OR2L5: variants seen among roughly 807,000 people sequenced by gnomAD.
The protein encoded by OR2L5 is olfactory receptor 2L5.
For missense variants in OR2L5, 413 were observed against 381.6 expected (o/e 1.08, Z -0.69); for synonymous variants, 169 against 142.0 (o/e 1.19, Z -1.35).
At chr1:248,021,622 G>A (rs1486717877) in intron 1 of OR2L5, among the ~76,000 whole-genome samples, 3 of 151,992 alleles carry the variant, frequency 2.0e-5, no homozygotes, top group Admixed American at 6.6e-5. Flanking sequence ...GTCATCACAA[G>A]AAAAATGAGT....
Position 248,023,463 on chromosome 1 carries a change from T to C in OR2L5, c.*577T>C, listed in dbSNP as rs553782124. 2.0e-5 allele frequency: 3 copies of C among 152,382 alleles called. No individual in the cohort carries two copies. The highest frequency in any genetic ancestry group is 7.2e-5 in the African/African-American group (3 of 41,574). 9.4% of individuals were successfully genotyped at this position (152,382 alleles called of 1,614,324 possible). ...TTACCTTCTATAGAACCTCTTAGAC[T>C]ACAGTTGACTTAGACTTAGTTGAAT... is the stretch of plus-strand genomic sequence containing the variant. On this transcript the variant is annotated 3_prime_UTR_variant, in exon 2 of 2. Coordinates refer to ENST00000355281, the MANE Select transcript of OR2L5 (RefSeq NM_001258284.2).
chr1:248,021,882 A>G, intron 1 of OR2L5, 45 bp from the exon 2 acceptor site: 3 of 1,294,530 alleles, frequency 2.3e-6, no homozygotes, highest in East Asian at 2.3e-5. Flanking sequence ...CCCTGCAGAT[A>G]ATGGGGAACT....
intron 1 of OR2L5, among the ~76,000 whole-genome samples, chr1:248,019,812 G>T (rs1171216943): frequency 6.6e-6 from 1 of 151,168 alleles, no homozygotes; most frequent in East Asian, 2.0e-4. Context: ...TTTGAGACAC[G>T]GTCTCACTCT....
In OR2L5 at chr1:248,014,384, T is replaced by A. The variant is rs12032421; in HGVS notation, c.-22+646T>A. 4.8e-3 allele frequency among the ~76,000 whole-genome samples: 726 copies of A among 152,246 alleles called. 21 individuals carry two copies. In the East Asian group the frequency reaches 0.079, roughly 17 times the overall value. On this transcript the variant is annotated intron_variant, in intron 1 of 1. Transcript: ENST00000355281. The stretch of plus-strand genomic sequence containing the variant: ...TAAATAATTAAGGAAACCATATGAT[T>A]AGTAGCTATGCTATGGGTATCCAAA...
Position 248,022,445 on chromosome 1 carries a change from A to T in OR2L5, c.498A>T (p.Pro166=). The T allele has an allele frequency of 6.2e-7, 1 of 1,614,190 alleles. No homozygotes were observed. The highest frequency in any genetic ancestry group is 1.1e-5 in the South Asian group (1 of 91,082). Residue 166 remains proline, a synonymous_variant, in exon 2 of 2, where the codon CCA becomes CCT. Transcript: ENST00000355281. The stretch of plus-strand genomic sequence containing the variant: ...ACACAGTATATGCATTCCGTATCCC[A>T]TATTGCAAGTCCAGAGCCATCAATC... ...CAHTVYAFRI[P]YCKSRAINHF... is the part of the protein sequence containing the mutation.
intron 1 of OR2L5, among the ~76,000 whole-genome samples, chr1:248,016,414 A>C (rs866914905): frequency 1.3e-5 from 2 of 152,134 alleles, no homozygotes; most frequent in African/African-American, 2.4e-5. Context: ...TTTCTTTGAA[A>C]ATATGTATGA....
At chr1:248,021,521 A>T (rs1190503623) in intron 1 of OR2L5, among the ~76,000 whole-genome samples, 1 of 152,200 alleles carries the variant, frequency 6.6e-6, no homozygotes, top group Non-Finnish European at 1.5e-5. Flanking sequence ...GTTGGATTTC[A>T]GTCATAGCCC....
At position 248,023,747 on chromosome 1, in the gene OR2L5, G is replaced by C. The variant is rs1048940698; in HGVS notation, c.*861G>C. 1.3e-5 allele frequency: 2 copies of C among 152,128 alleles called. No homozygotes were observed. The highest frequency in any genetic ancestry group is 2.9e-5 in the Non-Finnish European group (2 of 68,032). The allele number at this position is 152,128 out of a possible 1,614,324, so 9.4% of individuals were successfully genotyped here. On this transcript the variant is annotated 3_prime_UTR_variant, in exon 2 of 2. Transcript: ENST00000355281. ...AGTTGTCAGCTTAGGTCCATTCTCT[G>C]AGTGAAAGGCCATGGCTCTCCACAA...
chr1:248,014,614 T>G (rs532410415), intron 1 of OR2L5, among the ~76,000 whole-genome samples: 2 of 152,264 alleles, frequency 1.3e-5, no homozygotes, highest in South Asian at 4.1e-4. Context: ...TATATTACTC[T>G]ACAGTCATAG....
chr1:248,022,091 C>T lies in OR2L5; in HGVS notation c.144C>T (p.Ile48=), dbSNP rs1361926456. 6.2e-7 allele frequency: 1 copy of T among 1,613,772 alleles called. No individual in the cohort carries two copies. The highest frequency in any genetic ancestry group is 1.3e-5 in the African/African-American group (1 of 74,888). The change falls in exon 2 of 2, where the codon ATC becomes ATT. Residue 48 remains isoleucine, a synonymous_variant. Transcript: ENST00000355281. ...LIGNLSMILL[I]FLDTHLHTPM... ...GAAACCTATCCATGATTCTTCTCAT[C>T]TTCTTGGACACCCATCTCCACACAC...
chr1:248,020,530 G>A lies in OR2L5; in HGVS notation c.-21-1397G>A, dbSNP rs1436160572. ...AAACATGGAAGCTAAAATGAAATTGGCATATGGATATTCAGATATCTATAT... is the reference window on the plus strand; with the variant it reads ...AAACATGGAAGCTAAAATGAAATTGACATATGGATATTCAGATATCTATAT... On this transcript the variant is annotated intron_variant, in intron 1 of 1. Coordinates refer to ENST00000355281, the MANE Select transcript of OR2L5 (RefSeq NM_001258284.2). 2.0e-5 allele frequency among the ~76,000 whole-genome samples: 3 copies of A among 152,224 alleles called. No homozygotes were observed. The East Asian group carries it at 5.8e-4, about 29-fold the overall frequency.
intron 1 of OR2L5, among the ~76,000 whole-genome samples, chr1:248,016,861 C>T (rs1662212191): frequency 6.6e-6 from 1 of 152,024 alleles, no homozygotes; most frequent in Admixed American, 6.6e-5. Flanking sequence ...CTTACAACCC[C>T]TGAATCTCAA....
rs1662385210 is a variant in OR2L5, at chr1:248,022,959, A to G, written c.*73A>G. On this transcript the variant is annotated 3_prime_UTR_variant, in exon 2 of 2. Transcript: ENST00000355281. ...GCAGTGTACAGCAGTGAAGAAAAAC[A>G]TTATTACATGCCCAGTATGTCAAAC... is the stretch of plus-strand genomic sequence containing the variant. The G allele has an allele frequency of 1.5e-6, 2 of 1,327,118 alleles. No homozygotes were observed. Among genetic ancestry groups the G allele is most frequent in the South Asian group, 1.5e-5 (1 of 68,406 alleles). 82.2% of individuals were successfully genotyped at this position (1,327,118 alleles called of 1,614,324 possible). A position where few individuals can be genotyped will look rare whatever the true frequency, so the allele number is the denominator to read the frequency against.
chr1:248,021,204 C>A (rs1662325565), intron 1 of OR2L5, among the ~76,000 whole-genome samples: 1 of 152,002 alleles, frequency 6.6e-6, no homozygotes, highest in Admixed American at 6.6e-5. Flanking sequence ...ATGATTTTTC[C>A]TATAAATGTA....
intron 1 of OR2L5, among the ~76,000 whole-genome samples, chr1:248,020,761 A>T (rs1558185334): frequency 6.6e-6 from 1 of 151,882 alleles, no homozygotes; most frequent in African/African-American, 2.4e-5. Context: ...TGGAATTATT[A>T]TTTTTTTATA....
In OR2L5 at chr1:248,022,175, T is replaced by G. The variant is rs749150055; in HGVS notation, c.228T>G (p.Ile76Met). 2 of 1,614,080 alleles carry G rather than the reference T, an allele frequency of 1.2e-6. No individual in the cohort carries two copies. Among genetic ancestry groups the G allele is most frequent in the Non-Finnish European group, 1.7e-6 (2 of 1,179,950 alleles). Residue 76 changes from isoleucine (I) to methionine (M), a missense_variant, in exon 2 of 2, where the codon ATT becomes ATG. Coordinates refer to ENST00000355281, the MANE Select transcript of OR2L5 (RefSeq NM_001258284.2). ...TTGACCTAAATTACATCTCTACGAT[T>G]GTTCCTAAGATGGCTTCTGATTTTC... ...SLIDLNYIST[I>M]VPKMASDFLY...
chr1:248,023,666 C>T lies in OR2L5; in HGVS notation c.*780C>T, dbSNP rs1572679502. ...GATTGGGATCAACTCCTCTGCTCCA[C>T]TATTTTTATACCTGCTTAGGCCTGT... On this transcript the variant is annotated 3_prime_UTR_variant, in exon 2 of 2. Coordinates refer to ENST00000355281, the MANE Select transcript of OR2L5 (RefSeq NM_001258284.2). The T allele has an allele frequency of 6.6e-6, 1 of 152,220 alleles. No individual in the cohort carries two copies. The highest frequency in any genetic ancestry group is 1.5e-5 in the Non-Finnish European group (1 of 68,052). The allele number at this position is 152,220 out of a possible 1,614,324, so 9.4% of individuals were successfully genotyped here.
chr1:248,015,555 C>A (rs1662177331), intron 1 of OR2L5, among the ~76,000 whole-genome samples: 1 of 152,146 alleles, frequency 6.6e-6, no homozygotes, highest in African/African-American at 2.4e-5. Context: ...TTACCATTTC[C>A]TAGCCTTATC....
intron 1 of OR2L5, among the ~76,000 whole-genome samples, chr1:248,019,757 T>C (rs1014682967): frequency 5.5e-5 from 8 of 145,034 alleles, no homozygotes; most frequent in African/African-American, 1.1e-4. Flanking sequence ...TCCTTCTCCT[T>C]CTTCTTCTTC....
Sources: allele counts gnomAD v4.1 joint callset (sites outside exome capture counted in the v4.1 genomes callset), GRCh38; gene constraint gnomAD v4.1.1; transcripts MANE v1.5; gene names NCBI Gene and HGNC (gene_info 2026-07-23, HGNC 2026-07-21).